TMEM35A: variants seen among roughly 807,000 people sequenced by gnomAD.
TMEM35A encodes transmembrane protein 35A.
For synonymous variants in TMEM35A, 50 were observed against 54.7 expected, an observed-to-expected ratio of 0.91 and a Z score of 0.38; for missense variants, 83 against 132.7, an observed-to-expected ratio of 0.63 and a Z score of 1.84.
At chrX:101,088,602 G>A (rs113254357) in intron 1 of TMEM35A, among the ~76,000 whole-genome samples, 108 of 110,131 alleles carry the variant, frequency 9.8e-4, no homozygotes, top group Admixed American at 1.9e-3. Context: ...GGGTGACAGC[G>A]AGACCCTCAG....
chrX:101,093,979 C>T (rs755203744), intron 1 of TMEM35A, among the ~76,000 whole-genome samples: 24 of 111,787 alleles, frequency 2.1e-4, no homozygotes, highest in African/African-American at 7.5e-4. Context: ...TAATCATTTC[C>T]CAAAGCCCCA....
intron 1 of TMEM35A, among the ~76,000 whole-genome samples, chrX:101,087,578 A>G (rs888050070): frequency 1.5e-4 from 17 of 112,155 alleles, no homozygotes; most frequent in African/African-American, 5.5e-4. Context: ...GAGAAAAAAG[A>G]TTACTGAAGT....
rs949585450 is a variant in TMEM35A, at chrX:101,079,221, C to T, written c.120+99C>T. ...CAGTTTCTGGTCCCACCCCCTTAGC[C>T]CCTATCCCCACCTGGACCCTCCGTT... On this transcript the variant is annotated intron_variant, in intron 1 of 1. Coordinates refer to ENST00000372930, the MANE Select transcript of TMEM35A (RefSeq NM_021637.3). 2.7e-5 allele frequency: 28 copies of T among 1,021,415 alleles called. No homozygotes were observed. The African/African-American group carries it at 4.3e-4, about 16-fold the overall frequency. 84.2% of individuals were successfully genotyped at this position (1,021,415 alleles called of 1,213,427 possible).
intron 1 of TMEM35A, among the ~76,000 whole-genome samples, chrX:101,088,154 T>C (rs2089312936): frequency 8.9e-6 from 1 of 111,838 alleles, no homozygotes; most frequent in Non-Finnish European, 1.9e-5. Flanking sequence ...ACTGAGATCA[T>C]GCCACTGCAC....
intron 1 of TMEM35A, 107 bp from the exon 2 acceptor site, chrX:101,094,466 C>A: frequency 2.6e-6 from 2 of 772,691 alleles, no homozygotes; most frequent in Non-Finnish European, 3.7e-6. Flanking sequence ...TATAATGGGA[C>A]ACCAGTGGCT....
intron 1 of TMEM35A, among the ~76,000 whole-genome samples, chrX:101,091,402 A>C (rs769210227): frequency 1.8e-5 from 2 of 108,247 alleles, no homozygotes; most frequent in African/African-American, 6.8e-5. Context: ...TCCTGGGCTC[A>C]GGCAATCCTA....
intron 1 of TMEM35A, among the ~76,000 whole-genome samples, chrX:101,084,188 C>CAAAAAA (rs746718674): frequency 4.0e-4 from 13 of 32,270 alleles, no homozygotes; most frequent in Non-Finnish European, 6.0e-4. Context: ...AACTCCATCT[C>CAAAAAA]AAAAAAAAAA....
At chrX:101,088,968 C>T (rs1250594487) in intron 1 of TMEM35A, among the ~76,000 whole-genome samples, 1 of 110,448 alleles carries the variant, frequency 9.1e-6, no homozygotes, top group East Asian at 2.8e-4. Flanking sequence ...CTGCTACCAT[C>T]ACCAGGATGC....
chrX:101,082,445 G>T (rs1293735389), intron 1 of TMEM35A, among the ~76,000 whole-genome samples: 1 of 60,599 alleles, frequency 1.7e-5, no homozygotes, highest in Non-Finnish European at 2.8e-5. Context: ...GGCGGGGGGT[G>T]GGGGGAAGGA....
chrX:101,086,113 T>C (rs774933895), intron 1 of TMEM35A, among the ~76,000 whole-genome samples: 6 of 110,874 alleles, frequency 5.4e-5, no homozygotes, highest in Non-Finnish European at 1.1e-4. Context: ...GGATTTCTAA[T>C]TGTGTGGGTT....
At chrX:101,080,609 G>A (rs760625190) in intron 1 of TMEM35A, among the ~76,000 whole-genome samples, 1 of 109,506 alleles carries the variant, frequency 9.1e-6, no homozygotes. Context: ...GACAGGGTGG[G>A]GTAGCAGAAG....
At chrX:101,081,971 G>A (rs1602742047) in intron 1 of TMEM35A, 1 of 110,634 alleles carries the variant, frequency 9.0e-6, no homozygotes. Context: ...TTTTATGGAT[G>A]CCAGAACTGA....
chrX:101,080,625 A>T (rs1385311300), intron 1 of TMEM35A, among the ~76,000 whole-genome samples: 1 of 109,456 alleles, frequency 9.1e-6, no homozygotes, highest in Non-Finnish European at 1.9e-5. Context: ...AGAAGCCACC[A>T]AATGGCTTGA....
intron 1 of TMEM35A, among the ~76,000 whole-genome samples, chrX:101,088,587 C>T (rs1051914793): frequency 5.5e-5 from 6 of 108,839 alleles, no homozygotes; most frequent in African/African-American, 1.7e-4. Context: ...GCTGTACTCC[C>T]GCCTGGGTGA....
At chrX:101,090,804 C>T (rs2089321733) in intron 1 of TMEM35A, among the ~76,000 whole-genome samples, 1 of 110,370 alleles carries the variant, frequency 9.1e-6, no homozygotes, top group Non-Finnish European at 1.9e-5. Context: ...TCCCTCAGTG[C>T]CCACATCCAA....
chrX:101,089,810 T>C (rs2089318207), intron 1 of TMEM35A, among the ~76,000 whole-genome samples: 1 of 110,265 alleles, frequency 9.1e-6, no homozygotes, highest in African/African-American at 3.3e-5. Context: ...TGACGCTAAG[T>C]CTGTTTGCAT....
intron 1 of TMEM35A, among the ~76,000 whole-genome samples, chrX:101,090,169 C>CTTTTTTTTTTTTTTT (rs771239790): frequency 0.017 from 1,607 of 97,050 alleles, 128 homozygotes; most frequent in African/African-American, 0.068. Context: ...TTCTTTCTTT[C>CTTTTTTTTTTTTTTT]TTTTTTTTTT....
intron 1 of TMEM35A, 114 bp from the exon 2 acceptor site, chrX:101,094,459 A>G: frequency 1.4e-6 from 1 of 723,814 alleles, no homozygotes; most frequent in Non-Finnish European, 2.0e-6. Context: ...AATTATATAT[A>G]ATGGGACACC....
At chrX:101,086,715 C>T (rs181425095) in intron 1 of TMEM35A, among the ~76,000 whole-genome samples, 81 of 111,412 alleles carry the variant, frequency 7.3e-4, no homozygotes, top group Non-Finnish European at 1.2e-3. Flanking sequence ...TCCCCCTATA[C>T]GGAAACTATG....
Sources: allele counts gnomAD v4.1 joint callset (sites outside exome capture counted in the v4.1 genomes callset), GRCh38; gene constraint gnomAD v4.1.1; transcripts MANE v1.5; gene names NCBI Gene and HGNC (gene_info 2026-07-23, HGNC 2026-07-21).